PXDNL: variants seen among roughly 807,000 people sequenced by gnomAD.
The protein encoded by PXDNL is peroxidasin like.
Under a neutral mutation model 150.8 loss-of-function variants are expected in PXDNL, and 145 were observed. That is an observed-to-expected ratio of 0.96 (90% CI 0.84 to 1.10). PXDNL has a LOEUF of 1.10. PXDNL is among the 50% of genes least tolerant of loss of function. The pLI, the probability that PXDNL is intolerant of heterozygous loss-of-function variation, is 0.00. For synonymous variants in PXDNL, 757 were observed against 725.7 expected, an observed-to-expected ratio of 1.04 and a Z score of -0.69; for missense variants, 2,087 against 1,873.9, an observed-to-expected ratio of 1.11 and a Z score of -2.10.
intron 3 of PXDNL, among the ~76,000 whole-genome samples, chr8:51,583,637 G>C (rs914438100): frequency 4.6e-5 from 7 of 152,118 alleles, no homozygotes; most frequent in African/African-American, 1.4e-4. Context: ...TATGAGGACA[G>C]AGCCAAATCT....
At chr8:51,514,958 G>A (rs998403822) in intron 4 of PXDNL, among the ~76,000 whole-genome samples, 3 of 152,176 alleles carry the variant, frequency 2.0e-5, no homozygotes, top group Non-Finnish European at 2.9e-5. Context: ...AGAAACTTTG[G>A]TCTGAAGCAT....
chr8:51,509,376 C>G (rs2130335077), intron 4 of PXDNL, among the ~76,000 whole-genome samples: 1 of 152,184 alleles, frequency 6.6e-6, no homozygotes, highest in African/African-American at 2.4e-5. Context: ...CCAGTGCTCA[C>G]TCAGAATAAA....
At chr8:51,563,352 C>T (rs527245391) in intron 3 of PXDNL, among the ~76,000 whole-genome samples, 16 of 151,966 alleles carry the variant, frequency 1.1e-4, no homozygotes, top group East Asian at 9.8e-4. Context: ...ACAGAGAGAG[C>T]GAGAGCAAGC....
chr8:51,804,199 G>A (rs527622386), intron 1 of PXDNL, among the ~76,000 whole-genome samples: 4 of 152,256 alleles, frequency 2.6e-5, no homozygotes, highest in African/African-American at 4.8e-5. Flanking sequence ...AAGTGGGGAG[G>A]GGGCTTCTAG....
intron 20 of PXDNL, chr8:51,340,290 C>A (rs561747081): frequency 6.6e-6 from 1 of 152,096 alleles, no homozygotes; most frequent in South Asian, 2.1e-4. Flanking sequence ...TATAAGGAAA[C>A]CTTGGGTTGA....
At chr8:51,435,337 A>T (rs1586104436) in intron 12 of PXDNL, among the ~76,000 whole-genome samples, 1 of 148,858 alleles carries the variant, frequency 6.7e-6, no homozygotes, top group Admixed American at 6.8e-5. Context: ...CTAAAAAAAA[A>T]AAGTCCTCAT....
chr8:51,616,491 G>C (rs1814132946), intron 2 of PXDNL, among the ~76,000 whole-genome samples: 1 of 152,162 alleles, frequency 6.6e-6, no homozygotes, highest in South Asian at 2.1e-4. Flanking sequence ...TGTATCCATA[G>C]CTATACAGAT....
chr8:51,578,849 T>C (rs1813144542), intron 3 of PXDNL, among the ~76,000 whole-genome samples: 1 of 151,916 alleles, frequency 6.6e-6, no homozygotes, highest in South Asian at 2.1e-4. Flanking sequence ...CAGAAGCAAT[T>C]CAGTGGAGGA....
At chr8:51,544,100 G>A (rs1039064428) in intron 4 of PXDNL, among the ~76,000 whole-genome samples, 7 of 152,214 alleles carry the variant, frequency 4.6e-5, no homozygotes, top group African/African-American at 1.7e-4. Flanking sequence ...AACAGGATGT[G>A]TATGTAAAAG....
chr8:51,757,836 C>T (rs1201747895), intron 1 of PXDNL, among the ~76,000 whole-genome samples: 1 of 152,132 alleles, frequency 6.6e-6, no homozygotes, highest in East Asian at 1.9e-4. Flanking sequence ...TGCTTCCGCC[C>T]CTTTTCTGAG....
rs553980143 is a variant in PXDNL at position 51,579,094 on chromosome 8, G to T, written c.308+13533C>A. 6.6e-5 allele frequency among the ~76,000 whole-genome samples: 10 copies of T among 152,076 alleles called. No homozygotes were observed. The East Asian group carries it at 1.5e-3, about 24-fold the overall frequency. On this transcript the variant is annotated intron_variant, in intron 3 of 22. Transcript: ENST00000356297. ...CACCAAAGGTGTAACCCATAGAAAA[G>T]AACTTTGATAAATTGAACTTCATCA...
chr8:51,628,268 A>C (rs1814403837), intron 2 of PXDNL, among the ~76,000 whole-genome samples: 1 of 152,058 alleles, frequency 6.6e-6, no homozygotes, highest in African/African-American at 2.4e-5. Flanking sequence ...TGGTCTGGCT[A>C]AGCACTGAAG....
intron 2 of PXDNL, among the ~76,000 whole-genome samples, chr8:51,650,464 G>A (rs1454755399): frequency 6.6e-6 from 1 of 152,156 alleles, no homozygotes; most frequent in African/African-American, 2.4e-5. Flanking sequence ...ATTTTGTTTT[G>A]TAGGATAATG....
intron 10 of PXDNL, among the ~76,000 whole-genome samples, chr8:51,452,463 T>C (rs1809827425): frequency 6.6e-6 from 1 of 152,218 alleles, no homozygotes; most frequent in Admixed American, 6.5e-5. Context: ...AGTATTGATC[T>C]ATTGCTATTA....
intron 17 of PXDNL, among the ~76,000 whole-genome samples, chr8:51,394,947 T>C (rs749488084): frequency 2.0e-5 from 3 of 152,158 alleles, no homozygotes; most frequent in Non-Finnish European, 4.4e-5. Context: ...TGTGGTACAA[T>C]GGTCATCCCA....
chr8:51,659,368 T>C (rs1433122563), intron 1 of PXDNL, among the ~76,000 whole-genome samples: 2 of 152,166 alleles, frequency 1.3e-5, no homozygotes, highest in African/African-American at 2.4e-5. Context: ...CACAAGCTGA[T>C]GAAGCTGGGG....
At chr8:51,478,893 C>A (rs112931361) in intron 6 of PXDNL, among the ~76,000 whole-genome samples, 37 of 152,316 alleles carry the variant, frequency 2.4e-4, no homozygotes, top group African/African-American at 8.7e-4. Flanking sequence ...GGACCCTGAG[C>A]AGGTTGCTCA....
intron 19 of PXDNL, among the ~76,000 whole-genome samples, chr8:51,357,737 A>T (rs907487026): frequency 6.6e-6 from 1 of 152,178 alleles, no homozygotes; most frequent in Admixed American, 6.5e-5. Context: ...TTTTTTGGAG[A>T]TTAACCACAT....
chr8:51,391,782 C>T (rs551123943), intron 17 of PXDNL, among the ~76,000 whole-genome samples: 10 of 152,168 alleles, frequency 6.6e-5, no homozygotes, highest in South Asian at 6.2e-4. Context: ...GTTGCCATTG[C>T]TTTTGGTGTT....
Sources: gnomAD v4.1 joint callset for allele counts (sites outside exome capture counted in the v4.1 genomes callset) on GRCh38, gnomAD v4.1.1 for gene constraint, MANE v1.5 for transcripts, NCBI Gene and HGNC (gene_info 2026-07-23, HGNC 2026-07-21) for gene names.